The following SLC30A8 variants were observed in gnomAD, a reference collection of about 807,000 sequenced individuals.
SLC30A8 encodes the protein solute carrier family 30 member 8, also known as proton-coupled zinc antiporter SLC30A8.
SLC30A8 carries 27 observed loss-of-function variants against 36.9 expected under a neutral mutation model. The ratio of observed to expected loss-of-function variants is 0.73; its 90% CI spans 0.54 to 1.01. SLC30A8 has a LOEUF of 1.01. Among genes scored for constraint, SLC30A8 ranks in the 50% least tolerant of loss-of-function variants. The probability of loss-of-function intolerance (pLI) is 0.00; values close to 1 mark genes in which losing one functional copy is unlikely to be tolerated. For synonymous variants in SLC30A8, 164 were observed against 172.4 expected (o/e 0.95, Z 0.38); for missense variants, 439 against 452.0 (o/e 0.97, Z 0.26).
Position 117,157,859 on chromosome 8 carries a change from G to C in SLC30A8, c.572+15G>C. The C allele has an allele frequency of 6.2e-7, 1 of 1,613,478 alleles. No individual in the cohort carries two copies. Among genetic ancestry groups the C allele is most frequent in the African/African-American group, 1.3e-5 (1 of 75,014 alleles). On this transcript the variant is annotated intron_variant, in intron 4 of 7. Transcript: ENST00000456015. Reference sequence around the variant, plus strand: ...GCCAACATTGTGTAAGTCATCCCCTGGTCCCCACACACTGCTCATGAGGCT... The same window carrying C: ...GCCAACATTGTGTAAGTCATCCCCTCGTCCCCACACACTGCTCATGAGGCT...
chr8:117,127,101 C>T (rs1233404444), intron 2 of SLC30A8, among the ~76,000 whole-genome samples: 1 of 151,702 alleles, frequency 6.6e-6, no homozygotes, highest in Non-Finnish European at 1.5e-5. Context: ...CTGGACCTGT[C>T]CTTGGGTTTT....
chr8:117,017,637 A>G (rs1404696098), intron 1 of SLC30A8, among the ~76,000 whole-genome samples: 2 of 152,240 alleles, frequency 1.3e-5, no homozygotes, highest in African/African-American at 4.8e-5. Flanking sequence ...AAGTAAGGAA[A>G]GAAGCGAATA....
chr8:117,119,580 C>T (rs746682303), intron 2 of SLC30A8, among the ~76,000 whole-genome samples: 1 of 151,870 alleles, frequency 6.6e-6, no homozygotes, highest in Non-Finnish European at 1.5e-5. Flanking sequence ...CCCTGCCCCA[C>T]CTTACTCCCA....
intron 2 of SLC30A8, among the ~76,000 whole-genome samples, chr8:117,078,714 T>C (rs979454335): frequency 1.3e-5 from 2 of 152,234 alleles, no homozygotes; most frequent in Non-Finnish European, 2.9e-5. Context: ...TTTTCTTTTA[T>C]TCCACTGTGT....
chr8:116,964,102 A>G (rs1460464798), intron 1 of SLC30A8, among the ~76,000 whole-genome samples: 1 of 152,204 alleles, frequency 6.6e-6, no homozygotes, highest in African/African-American at 2.4e-5. Flanking sequence ...TTCGATCTGG[A>G]TAGGTGTGGG....
intron 1 of SLC30A8, among the ~76,000 whole-genome samples, chr8:116,969,979 T>G (rs111712867): frequency 0.028 from 4,280 of 152,236 alleles, 191 homozygotes; most frequent in African/African-American, 0.096. Context: ...TGATACTAAA[T>G]TAACCTTAGC....
Position 116,993,698 on chromosome 8 carries a change from G to A in SLC30A8, c.-266+42579G>A, listed in dbSNP as rs555505234. On this transcript the variant is annotated intron_variant, in intron 1 of 10. Transcript: ENST00000427715. Reference sequence around the variant, plus strand: ...GAACATGCTAGAACTGTAAAACACAGTATCTAAAATTGAGAACTCATTGAA... The same window carrying A: ...GAACATGCTAGAACTGTAAAACACAATATCTAAAATTGAGAACTCATTGAA... 2.6e-5 allele frequency among the ~76,000 whole-genome samples: 4 copies of A among 152,012 alleles called. No homozygotes were observed. In the South Asian group the frequency reaches 8.3e-4, roughly 31 times the overall value.
At chr8:117,002,755 C>T (rs1298187260) in intron 1 of SLC30A8, among the ~76,000 whole-genome samples, 1 of 152,140 alleles carries the variant, frequency 6.6e-6, no homozygotes, top group Non-Finnish European at 1.5e-5. Flanking sequence ...CAGGCACTGG[C>T]CACCATGCCC....
chr8:117,152,527 T>C (rs895505434), intron 2 of SLC30A8, among the ~76,000 whole-genome samples: 6 of 152,130 alleles, frequency 3.9e-5, no homozygotes. Context: ...TAAAAACACA[T>C]CTGTGGGCCA....
intron 1 of SLC30A8, among the ~76,000 whole-genome samples, chr8:116,999,481 C>T (rs1815934232): frequency 1.3e-5 from 2 of 152,114 alleles, no homozygotes; most frequent in Middle Eastern, 3.2e-3. Flanking sequence ...TGTGAGGAGA[C>T]ATAAAGTCCC....
At chr8:116,951,479 C>T (rs1034099115) in intron 1 of SLC30A8, among the ~76,000 whole-genome samples, 1 of 152,168 alleles carries the variant, frequency 6.6e-6, no homozygotes, top group African/African-American at 2.4e-5. Flanking sequence ...AACGCCTTCT[C>T]TCTTGTAGCA....
At chr8:116,974,578 C>T (rs1249895099) in intron 1 of SLC30A8, among the ~76,000 whole-genome samples, 1 of 152,222 alleles carries the variant, frequency 6.6e-6, no homozygotes, top group African/African-American at 2.4e-5. Context: ...AACATTTTTA[C>T]ACTGTTGGTG....
In SLC30A8 at chr8:117,172,529, T is replaced by A; in HGVS notation, c.965-7T>A. On this transcript the variant is annotated splice_region_variant and splice_polypyrimidine_tract_variant and intron_variant, in intron 7 of 7. Coordinates refer to ENST00000456015, the MANE Select transcript of SLC30A8 (RefSeq NM_173851.3). ...GTGCTAATCTCCCTGTGCTTCTTTA[T>A]CAACAGCAGCCAGCCGGGACAGCCA... is the stretch of plus-strand genomic sequence containing the variant. The A allele has an allele frequency of 6.2e-7, 1 of 1,613,582 alleles. No homozygotes were observed. The highest frequency in any genetic ancestry group is 8.5e-7 in the Non-Finnish European group (1 of 1,179,638).
chr8:117,084,004 G>C (rs1359435897), intron 2 of SLC30A8, among the ~76,000 whole-genome samples: 3 of 152,060 alleles, frequency 2.0e-5, no homozygotes, highest in Non-Finnish European at 4.4e-5. Flanking sequence ...TAAGAGCACA[G>C]AGATTAAGTA....
intron 1 of SLC30A8, among the ~76,000 whole-genome samples, chr8:117,038,739 G>A (rs1817293276): frequency 6.6e-6 from 1 of 152,226 alleles, no homozygotes; most frequent in Admixed American, 6.5e-5. Flanking sequence ...CCATGCTTGA[G>A]AGTGTTCGAT....
At chr8:117,063,331 C>T (rs1818075764) in intron 2 of SLC30A8, among the ~76,000 whole-genome samples, 2 of 152,210 alleles carry the variant, frequency 1.3e-5, no homozygotes, top group South Asian at 2.1e-4. Context: ...CCAGAGGGCT[C>T]CCCTCTGGTG....
At chr8:117,087,917 G>A (rs1315280753) in intron 2 of SLC30A8, among the ~76,000 whole-genome samples, 1 of 152,230 alleles carries the variant, frequency 6.6e-6, no homozygotes, top group East Asian at 1.9e-4. Flanking sequence ...CTGAAGGGGA[G>A]ATGGGGAGAC....
chr8:117,019,147 C>G (rs57132418), intron 1 of SLC30A8, among the ~76,000 whole-genome samples: 39,011 of 151,944 alleles, frequency 0.26, 5,087 homozygotes, highest in East Asian at 0.34. Flanking sequence ...CACAACAATC[C>G]CCACAGAGAC....
upstream of SLC30A8, among the ~76,000 whole-genome samples, chr8:117,131,040 A>G (rs1821118752): frequency 6.6e-6 from 1 of 151,970 alleles, no homozygotes; most frequent in African/African-American, 2.4e-5. Flanking sequence ...TACAAATTGC[A>G]TTTTCACCAG....
Sources: gnomAD v4.1 joint callset for allele counts (sites outside exome capture counted in the v4.1 genomes callset) on GRCh38, gnomAD v4.1.1 for gene constraint, MANE v1.5 for transcripts, NCBI Gene and HGNC (gene_info 2026-07-23, HGNC 2026-07-21) for gene names.